Variants in RUNX1 observed in about 807,000 individuals in gnomAD.
RUNX1 encodes the protein runt-related transcription factor 1.
A neutral mutation model predicts 42.8 loss-of-function variants in RUNX1; 19 were observed. That is an observed-to-expected ratio of 0.44 (90% confidence interval 0.31 to 0.65). RUNX1 has a LOEUF of 0.65. RUNX1 is among the 30% of genes least tolerant of loss of function. RUNX1 has a pLI of 0.07. For synonymous variants in RUNX1, 271 were observed against 289.4 expected, an observed-to-expected ratio of 0.94 and a Z score of 0.64; for missense variants, 528 against 672.0, an observed-to-expected ratio of 0.79 and a Z score of 2.37.
At chr21:34,874,032 G>A (rs1302897323) in intron 5 of RUNX1, among the ~76,000 whole-genome samples, 1 of 152,036 alleles carries the variant, frequency 6.6e-6, no homozygotes, top group African/African-American at 2.4e-5. Flanking sequence ...CTTTATTTGG[G>A]CTTTAGATGA....
chr21:35,020,416 T>G (rs575018573), intron 2 of RUNX1, among the ~76,000 whole-genome samples: 1 of 152,244 alleles, frequency 6.6e-6, no homozygotes, highest in South Asian at 2.1e-4. Flanking sequence ...TGAAGACAGA[T>G]GTAATTAGTT....
intron 7 of RUNX1, 128 bp downstream of exon 7, chr21:34,834,282 C>T (rs939986160): frequency 1.7e-5 from 16 of 966,922 alleles, no homozygotes; most frequent in South Asian, 9.2e-5. Context: ...GCTGTTGGTT[C>T]GAGGCCTTTC....
chr21:34,839,333 T>C (rs2057196590), intron 6 of RUNX1, among the ~76,000 whole-genome samples: 1 of 149,532 alleles, frequency 6.7e-6, no homozygotes, highest in Admixed American at 6.6e-5. Context: ...TCAGTGCACC[T>C]AGAAATTCAA....
intron 8 of RUNX1, among the ~76,000 whole-genome samples, chr21:34,795,420 A>C (rs2145891243): frequency 2.0e-5 from 3 of 152,278 alleles, no homozygotes; most frequent in Admixed American, 2.0e-4. Flanking sequence ...ATTTTTAAAA[A>C]TGAACTCCTC....
chr21:34,947,336 T>C (rs561973825), intron 2 of RUNX1, among the ~76,000 whole-genome samples: 12 of 152,312 alleles, frequency 7.9e-5, no homozygotes, highest in Non-Finnish European at 1.8e-4. Context: ...CATATAAACA[T>C]GTATCTATTT....
intron 7 of RUNX1, among the ~76,000 whole-genome samples, chr21:34,808,076 T>C (rs914328292): frequency 1.3e-5 from 2 of 152,216 alleles, no homozygotes; most frequent in African/African-American, 4.8e-5. Flanking sequence ...ACTGTTGCTA[T>C]ATCATTGAAA....
chr21:34,872,004 T>C (rs1226476269), intron 5 of RUNX1, among the ~76,000 whole-genome samples: 1 of 152,084 alleles, frequency 6.6e-6, no homozygotes, highest in Non-Finnish European at 1.5e-5. Flanking sequence ...CCACCACTCC[T>C]GGCTAATTTT....
rs1372900421 is a variant in RUNX1, at chr21:35,040,599, C to T, written c.58+8243G>A. Among the ~76,000 whole-genome samples the T allele has an allele frequency of 2.6e-5, 4 of 151,806 alleles. No homozygotes were observed. In the East Asian group the frequency reaches 7.7e-4, roughly 29 times the overall value. ...CCATCCTGGCCAACATGGTGAAAAC[C>T]TGTCTCTACTAAAAATACAAAAATT... On this transcript the variant is annotated intron_variant, in intron 2 of 8. Coordinates refer to ENST00000675419, the MANE Select transcript of RUNX1 (RefSeq NM_001754.5).
chr21:34,886,720 AC>A (rs1180290761), intron 4 of RUNX1, 122 bp downstream of exon 4: 18 of 1,486,912 alleles, frequency 1.2e-5, no homozygotes, highest in Non-Finnish European at 1.6e-5. Context: ...AGGAAGACCG[AC>A]CCGGGGCTGC....
At chr21:34,842,181 A>G (rs983862215) in intron 6 of RUNX1, among the ~76,000 whole-genome samples, 1 of 152,174 alleles carries the variant, frequency 6.6e-6, no homozygotes, top group Non-Finnish European at 1.5e-5. Context: ...ATCATAACTG[A>G]GCAGTTTCAT....
intron 2 of RUNX1, among the ~76,000 whole-genome samples, chr21:34,914,767 A>G (rs1601564904): frequency 6.6e-6 from 1 of 152,206 alleles, no homozygotes; most frequent in South Asian, 2.1e-4. Context: ...GTGTGGCTGC[A>G]CTTCACAGCC....
chr21:34,979,954 A>G (rs56068023), intron 2 of RUNX1, among the ~76,000 whole-genome samples: 63,447 of 152,100 alleles, frequency 0.42, 13,788 homozygotes, highest in East Asian at 0.56. Context: ...CTGCCCCAGA[A>G]CACAGCTCTG....
chr21:34,788,786 C>T lies in RUNX1; in HGVS notation c.*3349G>A, dbSNP rs897644301. 40 of 233,538 alleles carry T rather than the reference C, an allele frequency of 1.7e-4. No homozygotes were observed. The highest frequency in any genetic ancestry group is 7.5e-4 in the African/African-American group (34 of 45,450). 14.5% of individuals were successfully genotyped at this position (233,538 alleles called of 1,614,324 possible). A position where few individuals can be genotyped will look rare whatever the true frequency, so the allele number is the denominator to read the frequency against. ...ACGGTAAACAAAAAGGCATTTTGTTCAGATGTAAAATATGTTTTGTGAGAT... is the reference window on the plus strand; with the variant it reads ...ACGGTAAACAAAAAGGCATTTTGTTTAGATGTAAAATATGTTTTGTGAGAT... On this transcript the variant is annotated 3_prime_UTR_variant, in exon 9 of 9. Coordinates refer to ENST00000675419, the MANE Select transcript of RUNX1 (RefSeq NM_001754.5).
intron 2 of RUNX1, among the ~76,000 whole-genome samples, chr21:34,960,718 T>C (rs1453305736): frequency 6.6e-6 from 1 of 152,184 alleles, no homozygotes; most frequent in East Asian, 1.9e-4. Flanking sequence ...GTTGCTTGTG[T>C]ATAATTTTTA....
intron 2 of RUNX1, among the ~76,000 whole-genome samples, chr21:34,943,048 G>A (rs547566775): frequency 6.4e-4 from 97 of 152,318 alleles, no homozygotes; most frequent in African/African-American, 2.2e-3. Context: ...GCATTGGCAC[G>A]CGGTCAATCT....
intron 2 of RUNX1, among the ~76,000 whole-genome samples, chr21:35,038,218 C>A (rs2059324302): frequency 6.6e-6 from 1 of 152,140 alleles, no homozygotes; most frequent in African/African-American, 2.4e-5. Context: ...ATGATGGTGA[C>A]AGGGAGAAAC....
chr21:34,821,547 T>G, intron 7 of RUNX1: 3 of 1,530,626 alleles, frequency 2.0e-6, no homozygotes, highest in Non-Finnish European at 2.7e-6. Context: ...CATTCTGCCT[T>G]CCTCATAACG....
At chr21:34,994,039 C>T (rs975986105) in intron 2 of RUNX1, among the ~76,000 whole-genome samples, 3 of 152,098 alleles carry the variant, frequency 2.0e-5, no homozygotes, top group African/African-American at 4.8e-5. Context: ...TGGCAACATA[C>T]GGAATTGTCT....
chr21:34,803,449 A>G (rs1375568227), intron 7 of RUNX1, among the ~76,000 whole-genome samples: 8 of 152,092 alleles, frequency 5.3e-5, no homozygotes, highest in African/African-American at 1.9e-4. Flanking sequence ...CGGGAGGCTG[A>G]GGCAGGAGAA....
Sources: allele counts gnomAD v4.1 joint callset (sites outside exome capture counted in the v4.1 genomes callset), GRCh38; gene constraint gnomAD v4.1.1; transcripts MANE v1.5; gene names NCBI Gene and HGNC (gene_info 2026-07-23, HGNC 2026-07-21).